CDH18: variants seen among roughly 807,000 people sequenced by gnomAD.
CDH18 encodes cadherin-18.
Under a neutral mutation model 67.9 loss-of-function variants are expected in CDH18, and 31 were observed. That is an observed-to-expected ratio of 0.46 (90% CI 0.34 to 0.62). The LOEUF (loss-of-function observed/expected upper bound fraction) is 0.62, where lower values mean the gene tolerates loss of function less well. CDH18 is among the 20% of genes least tolerant of loss of function. The probability of loss-of-function intolerance (pLI) is 0.01; values close to 1 mark genes in which losing one functional copy is unlikely to be tolerated. For synonymous variants in CDH18, 362 were observed against 347.2 expected (o/e 1.04, Z -0.48); for missense variants, 890 against 975.5 (o/e 0.91, Z 1.17).
chr5:20,436,112 C>G (rs1749148411), intron 1 of CDH18, among the ~76,000 whole-genome samples: 1 of 151,956 alleles, frequency 6.6e-6, no homozygotes, highest in Non-Finnish European at 1.5e-5. Context: ...TTCCCTGTCT[C>G]TGATGCACTA....
At chr5:20,000,580 T>C (rs1189609010) in intron 2 of CDH18, among the ~76,000 whole-genome samples, 1 of 152,100 alleles carries the variant, frequency 6.6e-6, no homozygotes, top group Non-Finnish European at 1.5e-5. Context: ...TTTGAAGAGA[T>C]AGCCAAGAGT....
At chr5:19,811,024 A>AAAAGG (rs1167471604) in intron 3 of CDH18, among the ~76,000 whole-genome samples, 4 of 148,574 alleles carry the variant, frequency 2.7e-5, no homozygotes, top group Admixed American at 2.0e-4. Context: ...CTCTGTCTCA[A>AAAAGG]AAAGGAAAGG....
chr5:20,307,650 A>G (rs2149982081), intron 1 of CDH18, among the ~76,000 whole-genome samples: 1 of 152,274 alleles, frequency 6.6e-6, no homozygotes, highest in African/African-American at 2.4e-5. Context: ...GGAAAATAGA[A>G]CCTGAAATGG....
chr5:19,524,900 C>T (rs1381359327), intron 9 of CDH18, among the ~76,000 whole-genome samples: 4 of 152,142 alleles, frequency 2.6e-5, no homozygotes, highest in South Asian at 2.1e-4. Context: ...CGCCCGCCAC[C>T]ACGCCCGGCT....
intron 2 of CDH18, among the ~76,000 whole-genome samples, chr5:20,051,754 T>C (rs1297723801): frequency 6.6e-6 from 1 of 152,038 alleles, no homozygotes; most frequent in Non-Finnish European, 1.5e-5. Flanking sequence ...ATACATAAGT[T>C]GAAAATAATT....
chr5:20,216,188 C>G (rs6867111), intron 2 of CDH18, among the ~76,000 whole-genome samples: 107,900 of 151,712 alleles, frequency 0.71, 39,351 homozygotes, highest in African/African-American at 0.89. Flanking sequence ...GATCATTATA[C>G]CAGATATAAT....
intron 1 of CDH18, among the ~76,000 whole-genome samples, chr5:20,538,235 G>A (rs1476287419): frequency 2.0e-5 from 3 of 152,062 alleles, no homozygotes; most frequent in Non-Finnish European, 4.4e-5. Context: ...ATGAGAAAGG[G>A]GGATGCAGAC....
chr5:20,137,413 G>A (rs1749825414), intron 2 of CDH18, among the ~76,000 whole-genome samples: 1 of 151,966 alleles, frequency 6.6e-6, no homozygotes, highest in Admixed American at 6.6e-5. Context: ...TAGTTCTCAT[G>A]CCATGGTTTT....
At chr5:19,889,029 C>T (rs1788517160) in intron 2 of CDH18, among the ~76,000 whole-genome samples, 1 of 152,038 alleles carries the variant, frequency 6.6e-6, no homozygotes, top group Non-Finnish European at 1.5e-5. Flanking sequence ...ATAATATATG[C>T]ACATCCTCCC....
At chr5:20,228,083 C>T (rs116398193) in intron 2 of CDH18, among the ~76,000 whole-genome samples, 1,649 of 152,206 alleles carry the variant, frequency 0.011, 14 homozygotes, top group Admixed American at 0.017. Context: ...TTAACCCAAT[C>T]CCCTTAATGG....
At chr5:20,227,459 CACCCAACTCATACAAATTCA>C (rs1048116891) in intron 2 of CDH18, among the ~76,000 whole-genome samples, 7 of 152,078 alleles carry the variant, frequency 4.6e-5, no homozygotes, top group African/African-American at 1.7e-4. Flanking sequence ...AATCAATCAT[CACCCAACTCATACAAATTCA>C]ACAGTATATG....
At chr5:20,474,224 C>G (rs1309733732) in intron 1 of CDH18, among the ~76,000 whole-genome samples, 1 of 151,996 alleles carries the variant, frequency 6.6e-6, no homozygotes, top group African/African-American at 2.4e-5. Context: ...TGCAGTGAGC[C>G]GAGATCCCGC....
chr5:19,572,278 G>A (rs1030532282), intron 7 of CDH18, among the ~76,000 whole-genome samples: 4 of 152,160 alleles, frequency 2.6e-5, no homozygotes, highest in African/African-American at 9.7e-5. Flanking sequence ...AAGGTGATTC[G>A]GAGACCAGTC....
chr5:20,029,164 A>G (rs1048089084), intron 2 of CDH18, among the ~76,000 whole-genome samples: 1 of 152,068 alleles, frequency 6.6e-6, no homozygotes, highest in African/African-American at 2.4e-5. Flanking sequence ...AAACATCTCA[A>G]TTGTTCCTAA....
intron 1 of CDH18, among the ~76,000 whole-genome samples, chr5:20,443,893 T>C (rs1383049162): frequency 6.6e-6 from 1 of 151,912 alleles, no homozygotes; most frequent in Non-Finnish European, 1.5e-5. Flanking sequence ...GGATTTTATT[T>C]CTACCTATGA....
chr5:20,296,000 T>G (rs555259544), intron 1 of CDH18, among the ~76,000 whole-genome samples: 9 of 146,316 alleles, frequency 6.2e-5, no homozygotes, highest in African/African-American at 2.3e-4. Context: ...GCCTCCCGAG[T>G]AACTGGGATT....
chr5:20,382,127 G>T (rs1743957125), intron 1 of CDH18, among the ~76,000 whole-genome samples: 1 of 152,054 alleles, frequency 6.6e-6, no homozygotes, highest in African/African-American at 2.4e-5. Context: ...ATTACTAGAG[G>T]TTAACCAAGT....
Position 20,304,847 on chromosome 5 carries a change from C to A in CDH18, c.-579-49342G>T, listed in dbSNP as rs1419809925. 4.3e-6 allele frequency: 7 copies of A among 1,611,364 alleles called. No individual in the cohort carries two copies. In the African/African-American group the frequency reaches 9.4e-5, roughly 22 times the overall value. On this transcript the variant is annotated intron_variant, in intron 1 of 14. Coordinates refer to the CDH18 transcript ENST00000507958. ...CTTTCAGAATTCCTGCCACTGTTGC[C>A]GTGTTGCTGTTCAATGTTTGCTAAA...
At chr5:20,085,681 C>A (rs1001232527) in intron 2 of CDH18, among the ~76,000 whole-genome samples, 1 of 152,106 alleles carries the variant, frequency 6.6e-6, no homozygotes, top group African/African-American at 2.4e-5. Flanking sequence ...CAAGGAAGAG[C>A]AAGTCTTGTC....
Sources: allele counts gnomAD v4.1 joint callset (sites outside exome capture counted in the v4.1 genomes callset), GRCh38; gene constraint gnomAD v4.1.1; transcripts MANE v1.5; gene names NCBI Gene and HGNC (gene_info 2026-07-23, HGNC 2026-07-21).